Variants in SMYD4 observed in about 807,000 individuals in gnomAD.
SMYD4 encodes the protein protein-lysine N-methyltransferase SMYD4.
A neutral mutation model predicts 72.8 loss-of-function variants in SMYD4; 68 were observed. That is an observed-to-expected ratio of 0.93 (90% CI 0.77 to 1.14). The LOEUF is 1.14. Among genes scored for constraint, SMYD4 ranks in the 50% most tolerant of loss-of-function variants. The probability of loss-of-function intolerance (pLI) is 0.00; values close to 1 mark genes in which losing one functional copy is unlikely to be tolerated. For synonymous variants in SMYD4, 407 were observed against 388.6 expected (o/e 1.05, Z -0.56); for missense variants, 984 against 1,003.7 (o/e 0.98, Z 0.27).
intron 2 of SMYD4, 62 bp downstream of exon 2, chr17:1,827,799 C>T: frequency 1.3e-6 from 2 of 1,559,276 alleles, no homozygotes; most frequent in Non-Finnish European, 8.8e-7. Context: ...TACTTCAGAG[C>T]AAATGACAAA....
chr17:1,797,382 T>G (rs770569078), intron 5 of SMYD4, among the ~76,000 whole-genome samples: 1 of 152,240 alleles, frequency 6.6e-6, no homozygotes, highest in African/African-American at 2.4e-5. Context: ...AAATGCCACT[T>G]TTCTAATAAT....
rs116180823 is a variant in SMYD4, at chr17:1,798,110, T to C, written c.1537+1747A>G. Reference sequence around the variant, plus strand: ...CTGCCCTCCCTAAAGAGAAACTATATAGCTTTCTCTGGAATCTTGTGCATG... The same window carrying C: ...CTGCCCTCCCTAAAGAGAAACTATACAGCTTTCTCTGGAATCTTGTGCATG... On this transcript the variant is annotated intron_variant, in intron 5 of 10. Transcript: ENST00000305513. Among the ~76,000 whole-genome samples, 915 of 152,178 alleles carry C rather than the reference T, an allele frequency of 6.0e-3. 10 individuals are homozygous for C. Among genetic ancestry groups the C allele is most frequent in the African/African-American group, 0.021 (865 of 41,550 alleles).
intron 5 of SMYD4, among the ~76,000 whole-genome samples, chr17:1,793,005 C>T (rs1909145113): frequency 1.3e-5 from 2 of 152,120 alleles, no homozygotes; most frequent in South Asian, 2.1e-4. Flanking sequence ...GCGGCCTCGA[C>T]CTCCTGGGCC....
intron 2 of SMYD4, among the ~76,000 whole-genome samples, chr17:1,824,258 G>A (rs561270887): frequency 1.6e-3 from 241 of 152,236 alleles, no homozygotes; most frequent in Middle Eastern, 6.8e-3. Context: ...CAGGAGAATC[G>A]CTTGAACCCA....
chr17:1,794,033 A>G (rs1490267342), intron 5 of SMYD4, among the ~76,000 whole-genome samples: 2 of 76,988 alleles, frequency 2.6e-5, no homozygotes, highest in Non-Finnish European at 5.2e-5. Context: ...GTGTATATAT[A>G]TATGTATGTA....
intron 3 of SMYD4, 135 bp downstream of exon 3, chr17:1,811,836 A>G: frequency 1.1e-6 from 1 of 871,602 alleles, no homozygotes; most frequent in Non-Finnish European, 1.7e-6. Flanking sequence ...CTAAGGTGGG[A>G]GGATCGCTTG....
At position 1,783,048 on chromosome 17, in the gene SMYD4, T is replaced by C; in HGVS notation, c.2248A>G (p.Ile750Val). The C allele has an allele frequency of 1.2e-6, 2 of 1,614,090 alleles. No individual in the cohort carries two copies. The highest frequency in any genetic ancestry group is 1.7e-6 in the Non-Finnish European group (2 of 1,180,014). The change falls in exon 10 of 11, where the codon ATC becomes GTC. Residue 750 changes from isoleucine (I) to valine (V), a missense_variant. Physicochemically the swap from Ile to Val is conservative, Grantham distance 29 (BLOSUM62 3). Coordinates refer to ENST00000305513, the MANE Select transcript of SMYD4 (RefSeq NM_052928.3). ...MGHELFKLAQIFFNGFAVPEA... is the reference protein window; with the variant it reads ...MGHELFKLAQVFFNGFAVPEA... ...AAAGGGACTCACCCGTTGAAAAAGA[T>C]CTGGGCCAATTTGAAGAGCTCATGG...
intron 2 of SMYD4, among the ~76,000 whole-genome samples, chr17:1,825,401 G>A (rs1225822056): frequency 2.0e-5 from 3 of 151,866 alleles, no homozygotes; most frequent in Admixed American, 6.6e-5. Context: ...GTAAAAAAAT[G>A]TTAGCAGAAA....
chr17:1,819,118 A>G (rs927334354), intron 2 of SMYD4, among the ~76,000 whole-genome samples: 1 of 151,982 alleles, frequency 6.6e-6, no homozygotes, highest in African/African-American at 2.4e-5. Context: ...GCACTTAGGG[A>G]GGCCGAGGCA....
intron 2 of SMYD4, among the ~76,000 whole-genome samples, chr17:1,815,213 G>A (rs928053600): frequency 4.6e-5 from 7 of 151,840 alleles, no homozygotes; most frequent in African/African-American, 7.3e-5. Context: ...ACAGGTGCCC[G>A]CCACCACACC....
intron 3 of SMYD4, among the ~76,000 whole-genome samples, chr17:1,809,647 T>C (rs1460671508): frequency 1.3e-5 from 2 of 150,668 alleles, no homozygotes; most frequent in African/African-American, 4.9e-5. Flanking sequence ...AGTGCTGGGA[T>C]TATAGGCGTG....
intron 3 of SMYD4, among the ~76,000 whole-genome samples, chr17:1,811,458 C>T (rs921833787): frequency 2.6e-5 from 4 of 152,312 alleles, no homozygotes; most frequent in East Asian, 3.9e-4. Context: ...GCTGGGATTA[C>T]GGGTGTGAAC....
At chr17:1,787,953 G>A (rs1027804596) in intron 5 of SMYD4, among the ~76,000 whole-genome samples, 2 of 152,222 alleles carry the variant, frequency 1.3e-5, no homozygotes, top group African/African-American at 4.8e-5. Context: ...ATAGAAACCA[G>A]AGCCCCTGTT....
intron 1 of SMYD4, among the ~76,000 whole-genome samples, chr17:1,828,742 G>A (rs1209970817): frequency 6.6e-6 from 1 of 151,814 alleles, no homozygotes; most frequent in Non-Finnish European, 1.5e-5. Context: ...GATTACAGAT[G>A]CGCGCAACTA....
In SMYD4 at chr17:1,781,420, G is replaced by C; in HGVS notation, c.2281C>G (p.Leu761Val). Reference sequence around the variant, plus strand: ...TCCTCAGCTTTCTGTATTGTGCTCAGGGCTTCGGGTACTGCAAACCTGAGC... The same window carrying C: ...TCCTCAGCTTTCTGTATTGTGCTCACGGCTTCGGGTACTGCAAACCTGAGC... ...FFNGFAVPEA[L>V]STIQKAEEVL... is the part of the protein sequence containing the mutation. Residue 761 changes from leucine to valine, a missense_variant, in exon 11 of 11, where the codon CTG (leucine) becomes GTG (valine). Physicochemically the swap from Leu to Val is conservative, Grantham distance 32. Transcript: ENST00000305513. The C allele has an allele frequency of 1.2e-6, 2 of 1,613,994 alleles. No individual in the cohort carries two copies. The highest frequency in any genetic ancestry group is 1.7e-6 in the Non-Finnish European group (2 of 1,179,974).
intron 2 of SMYD4, among the ~76,000 whole-genome samples, chr17:1,818,268 G>A (rs1910732900): frequency 6.6e-6 from 1 of 152,044 alleles, no homozygotes; most frequent in Non-Finnish European, 1.5e-5. Context: ...GCTAACTGGC[G>A]AAGGAGAAAG....
At chr17:1,829,306 A>G (rs1046296659) in intron 1 of SMYD4, 1 of 152,144 alleles carries the variant, frequency 6.6e-6, no homozygotes, top group Admixed American at 6.6e-5. Context: ...CAACTCTCCA[A>G]TGTTTTGGCA....
intron 5 of SMYD4, among the ~76,000 whole-genome samples, chr17:1,799,029 T>C (rs1403941253): frequency 6.6e-6 from 1 of 151,776 alleles, no homozygotes; most frequent in Non-Finnish European, 1.5e-5. Flanking sequence ...CCCAGCACTT[T>C]GGGAGGCTGA....
At chr17:1,812,148 G>A (rs1432934931) in intron 2 of SMYD4, 33 bp from the exon 3 acceptor site, 2 of 1,601,458 alleles carry the variant, frequency 1.2e-6, no homozygotes, top group East Asian at 4.5e-5. Context: ...AAAGTAAGCA[G>A]AAATGTGTTA....
Sources: gnomAD v4.1 joint callset for allele counts (sites outside exome capture counted in the v4.1 genomes callset) on GRCh38, gnomAD v4.1.1 for gene constraint, MANE v1.5 for transcripts, NCBI Gene and HGNC (gene_info 2026-07-23, HGNC 2026-07-21) for gene names.